Variants in PRKG1 observed in about 807,000 individuals in gnomAD.
PRKG1 encodes cGMP-dependent protein kinase 1.
A neutral mutation model predicts 88.1 loss-of-function variants in PRKG1; 35 were observed. The ratio of observed to expected loss-of-function variants is 0.40; its 90% CI spans 0.30 to 0.53. PRKG1 has a LOEUF of 0.53. Ranked by LOEUF, PRKG1 falls within the 20% of genes least tolerant of loss-of-function variation. The pLI is 0.59. For missense variants in PRKG1, 540 were observed against 839.8 expected, an observed-to-expected ratio of 0.64 and a Z score of 4.41; for synonymous variants, 303 against 292.5, an observed-to-expected ratio of 1.04 and a Z score of -0.37.
chr10:52,100,346 A>G (rs995695330), intron 7 of PRKG1, among the ~76,000 whole-genome samples: 1 of 152,232 alleles, frequency 6.6e-6, no homozygotes, highest in Admixed American at 6.5e-5. Context: ...GCACTAATGG[A>G]CTACGTGGAG....
intron 4 of PRKG1, among the ~76,000 whole-genome samples, chr10:51,882,535 G>A (rs572330569): frequency 6.6e-6 from 1 of 152,122 alleles, no homozygotes; most frequent in Non-Finnish European, 1.5e-5. Context: ...TAGAGTTACT[G>A]CCTCCTTACA....
intron 2 of PRKG1, among the ~76,000 whole-genome samples, chr10:51,392,205 A>G (rs1018812672): frequency 6.6e-6 from 1 of 151,846 alleles, no homozygotes; most frequent in Non-Finnish European, 1.5e-5. Flanking sequence ...GTCATAGGAC[A>G]ATAATGGAGG....
chr10:51,374,093 A>ATATATATATATATATATATATAT (rs1554801054), intron 2 of PRKG1, among the ~76,000 whole-genome samples: 45 of 100,152 alleles, frequency 4.5e-4, no homozygotes, highest in Admixed American at 5.9e-4. Flanking sequence ...AAAAAAAAAA[A>ATATATATATATATATATATATAT]ATATATATAT....
intron 2 of PRKG1, among the ~76,000 whole-genome samples, chr10:51,307,892 A>G (rs947945880): frequency 6.6e-6 from 1 of 152,168 alleles, no homozygotes; most frequent in Non-Finnish European, 1.5e-5. Context: ...AAGAAAGTCT[A>G]TTTTATCTCA....
intron 2 of PRKG1, among the ~76,000 whole-genome samples, chr10:51,339,536 A>G (rs1841956052): frequency 6.6e-6 from 1 of 151,956 alleles, no homozygotes. Context: ...GAAAATTTAG[A>G]AAACAAAAAA....
chr10:51,609,506 A>G (rs974201291), intron 3 of PRKG1, among the ~76,000 whole-genome samples: 2 of 152,254 alleles, frequency 1.3e-5, no homozygotes, highest in Non-Finnish European at 2.9e-5. Context: ...CCAAAGGAAT[A>G]TAAATCATTC....
At chr10:52,033,248 C>G (rs186638143) in intron 5 of PRKG1, among the ~76,000 whole-genome samples, 35 of 152,246 alleles carry the variant, frequency 2.3e-4, no homozygotes, top group Admixed American at 4.6e-4. Context: ...GAGAAGATTG[C>G]CTGGTGACTA....
rs10998496 is a variant in PRKG1, at chr10:51,614,750, T to A, written c.592+146914T>A. 2.0e-3 allele frequency among the ~76,000 whole-genome samples: 300 copies of A among 152,198 alleles called. 1 individual carries two copies. The highest frequency in any genetic ancestry group is 2.1e-3 in the Non-Finnish European group (146 of 67,926). On this transcript the variant is annotated intron_variant, in intron 3 of 17. Coordinates refer to ENST00000373980, the MANE Select transcript of PRKG1 (RefSeq NM_006258.4). ...TGTGTTTTCATGATGGTAAATGTCATTCTTTTAGATTTAGGATTCTCTTGA... is the reference window on the plus strand; with the variant it reads ...TGTGTTTTCATGATGGTAAATGTCAATCTTTTAGATTTAGGATTCTCTTGA...
At chr10:52,063,997 A>C (rs1219999628) in intron 7 of PRKG1, among the ~76,000 whole-genome samples, 1 of 152,182 alleles carries the variant, frequency 6.6e-6, no homozygotes, top group African/African-American at 2.4e-5. Flanking sequence ...AGGTCCAGAA[A>C]AGGCACTGCA....
chr10:51,403,014 T>C (rs759604022), intron 2 of PRKG1, among the ~76,000 whole-genome samples: 4 of 152,178 alleles, frequency 2.6e-5, no homozygotes, highest in Admixed American at 6.5e-5. Context: ...TGTCATGGAA[T>C]AGCACATTTT....
At chr10:51,357,653 A>G (rs1206296957) in intron 2 of PRKG1, among the ~76,000 whole-genome samples, 2 of 152,002 alleles carry the variant, frequency 1.3e-5, no homozygotes, top group Non-Finnish European at 2.9e-5. Flanking sequence ...GTTAGTGGTC[A>G]TATCCCATAG....
At chr10:51,075,059 A>G (rs527706103) in intron 1 of PRKG1, among the ~76,000 whole-genome samples, 158 bp downstream of exon 1, 2 of 152,272 alleles carry the variant, frequency 1.3e-5, no homozygotes, top group East Asian at 1.9e-4. Flanking sequence ...GGGGCTGTGC[A>G]CGTTTCTCAG....
intron 1 of PRKG1, among the ~76,000 whole-genome samples, chr10:51,125,081 G>C (rs555219277): frequency 1.3e-5 from 2 of 152,268 alleles, no homozygotes; most frequent in East Asian, 3.9e-4. Context: ...AATTTGGAAG[G>C]CCAAGGCAGG....
At chr10:51,967,022 A>T (rs542381856) in intron 5 of PRKG1, among the ~76,000 whole-genome samples, 1 of 152,312 alleles carries the variant, frequency 6.6e-6, no homozygotes, top group South Asian at 2.1e-4. Flanking sequence ...GGGATCTAGA[A>T]CTAGAAATAC....
At position 51,305,379 on chromosome 10, in the gene PRKG1, T is replaced by G. The variant is rs1276793617; in HGVS notation, c.478+152049T>G. The stretch of plus-strand genomic sequence containing the variant: ...ACTTTTGTGGCTTGACTTACTAACT[T>G]TCCTTTTTGTTGGCTTCCTGCACAG... On this transcript the variant is annotated intron_variant, in intron 2 of 17. Transcript: ENST00000373980. Among the ~76,000 whole-genome samples, 5 of 152,178 alleles carry G rather than the reference T, an allele frequency of 3.3e-5. No individual in the cohort carries two copies. The East Asian group carries it at 9.6e-4, about 29-fold the overall frequency.
intron 2 of PRKG1, among the ~76,000 whole-genome samples, chr10:51,289,019 G>A (rs377382917): frequency 1.3e-5 from 2 of 152,050 alleles, no homozygotes; most frequent in Non-Finnish European, 2.9e-5. Context: ...TATCTAGAAT[G>A]GAAAGGCTAG....
chr10:51,424,088 C>G (rs79528480), intron 2 of PRKG1, among the ~76,000 whole-genome samples: 2,256 of 152,196 alleles, frequency 0.015, 50 homozygotes, highest in African/African-American at 0.051. Flanking sequence ...ATTTGAGACT[C>G]TGGCATTTTA....
intron 12 of PRKG1, among the ~76,000 whole-genome samples, chr10:52,274,633 T>C (rs539185557): frequency 6.6e-6 from 1 of 152,096 alleles, no homozygotes; most frequent in South Asian, 2.1e-4. Flanking sequence ...TTTGGTTCCA[T>C]GATTTTGCAA....
At chr10:51,176,223 A>G (rs368629442) in intron 2 of PRKG1, among the ~76,000 whole-genome samples, 80 of 152,234 alleles carry the variant, frequency 5.3e-4, no homozygotes, top group African/African-American at 1.8e-3. Flanking sequence ...TAGATGTTAG[A>G]CTCATTTCAC....
Sources: gnomAD v4.1 joint callset for allele counts (sites outside exome capture counted in the v4.1 genomes callset) on GRCh38, gnomAD v4.1.1 for gene constraint, MANE v1.5 for transcripts, NCBI Gene and HGNC (gene_info 2026-07-23, HGNC 2026-07-21) for gene names.